Variants in TBC1D22A observed in about 807,000 individuals in gnomAD.
TBC1D22A encodes the protein putative GTPase activator.
Under a neutral mutation model 60.2 loss-of-function variants are expected in TBC1D22A, and 38 were observed. That is an observed-to-expected ratio of 0.63 (90% CI 0.49 to 0.83). The LOEUF (loss-of-function observed/expected upper bound fraction) is 0.83, where lower values mean the gene tolerates loss of function less well. TBC1D22A is among the 40% of genes least tolerant of loss of function. TBC1D22A has a pLI of 0.00. For synonymous variants in TBC1D22A, 302 were observed against 281.7 expected (o/e 1.07, Z -0.72); for missense variants, 628 against 701.0 (o/e 0.90, Z 1.18).
chr22:47,146,903 T>G (rs2067304707), intron 12 of TBC1D22A, among the ~76,000 whole-genome samples: 1 of 152,220 alleles, frequency 6.6e-6, no homozygotes, highest in Non-Finnish European at 1.5e-5. Context: ...CTCCACCCTT[T>G]TGGATGACAC....
At chr22:47,115,067 G>A (rs561596788) in intron 12 of TBC1D22A, among the ~76,000 whole-genome samples, 26 of 152,188 alleles carry the variant, frequency 1.7e-4, no homozygotes, top group Admixed American at 3.3e-4. Flanking sequence ...GAGGTGGGGC[G>A]GAGAGGGGCA....
chr22:47,045,004 A>T, intron 11 of TBC1D22A, among the ~76,000 whole-genome samples: 1 of 152,180 alleles, frequency 6.6e-6, no homozygotes, highest in East Asian at 1.9e-4. Flanking sequence ...TCCAGGAAAG[A>T]ATGACTCTCC....
intron 12 of TBC1D22A, among the ~76,000 whole-genome samples, chr22:47,120,021 A>G (rs1273776744): frequency 1.3e-5 from 2 of 152,202 alleles, no homozygotes; most frequent in Non-Finnish European, 2.9e-5. Flanking sequence ...AAAATAAAAA[A>G]TATCCCATAA....
intron 11 of TBC1D22A, among the ~76,000 whole-genome samples, chr22:47,079,133 C>G (rs1231334541): frequency 2.1e-5 from 3 of 145,344 alleles, no homozygotes; most frequent in Non-Finnish European, 4.5e-5. Context: ...GTCACCCAGG[C>G]TGGTGTGCAG....
rs537924791 is a variant in TBC1D22A, at chr22:47,104,938, C to T, written c.1330-6570C>T. On this transcript the variant is annotated intron_variant, in intron 11 of 12. Transcript: ENST00000337137. Reference sequence around the variant, plus strand: ...GCTGCTGCCACCTTTCACTTGTCCCCCCTTTCTGGACCAAACCAGTGTATT... The same window carrying T: ...GCTGCTGCCACCTTTCACTTGTCCCTCCTTTCTGGACCAAACCAGTGTATT... Among the ~76,000 whole-genome samples, 8 of 152,066 alleles carry T rather than the reference C, an allele frequency of 5.3e-5. No individual in the cohort carries two copies. The East Asian group carries it at 1.4e-3, about 26-fold the overall frequency.
chr22:46,892,249 T>C (rs4622841), intron 6 of TBC1D22A, among the ~76,000 whole-genome samples: 120,289 of 151,426 alleles, frequency 0.79, 48,412 homozygotes, highest in African/African-American at 0.93. Context: ...CATTTTCTCT[T>C]TCAGTTGTGG....
intron 8 of TBC1D22A, among the ~76,000 whole-genome samples, chr22:46,966,180 C>T (rs985410354): frequency 4.6e-5 from 7 of 152,234 alleles, no homozygotes; most frequent in African/African-American, 1.7e-4. Flanking sequence ...TCTATCCGAT[C>T]CTGCCGCCCT....
intron 4 of TBC1D22A, among the ~76,000 whole-genome samples, chr22:46,803,642 C>T (rs2085000436): frequency 1.3e-5 from 2 of 152,176 alleles, no homozygotes; most frequent in Non-Finnish European, 2.9e-5. Context: ...GTGTGTTCAC[C>T]GTGCTTACTG....
At chr22:47,131,863 C>G (rs2059072488) in intron 12 of TBC1D22A, among the ~76,000 whole-genome samples, 1 of 152,212 alleles carries the variant, frequency 6.6e-6, no homozygotes, top group Non-Finnish European at 1.5e-5. Flanking sequence ...GGGCGCCCGC[C>G]CCGTCCAAGC....
chr22:46,912,664 C>G (rs182569745), intron 8 of TBC1D22A, among the ~76,000 whole-genome samples: 3 of 152,328 alleles, frequency 2.0e-5, no homozygotes, highest in Admixed American at 2.0e-4. Context: ...TCAAGTGATT[C>G]TCCTGCCTCA....
rs1291302183 is a variant in TBC1D22A at position 47,135,965 on chromosome 22, A to G, written c.1425+24362A>G. 3.3e-5 allele frequency among the ~76,000 whole-genome samples: 5 copies of G among 152,198 alleles called. No individual in the cohort carries two copies. The South Asian group carries it at 1.0e-3, about 31-fold the overall frequency. ...CGTGGTGAGGTCACTGTGGCCGAGT[A>G]GATGGGCCAGGGACACCGGTTGAGG... On this transcript the variant is annotated intron_variant, in intron 12 of 12. Coordinates refer to ENST00000337137, the MANE Select transcript of TBC1D22A (RefSeq NM_014346.5).
intron 5 of TBC1D22A, among the ~76,000 whole-genome samples, chr22:46,882,007 A>T (rs1384419627): frequency 6.6e-6 from 1 of 152,160 alleles, no homozygotes; most frequent in African/African-American, 2.4e-5. Flanking sequence ...TGCTGGGGTT[A>T]CAAGAACCTC....
chr22:46,974,328 C>G lies in TBC1D22A; in HGVS notation c.1054C>G (p.Pro352Ala), dbSNP rs768703084. 3.1e-6 allele frequency: 5 copies of G among 1,606,692 alleles called. No homozygotes were observed. The East Asian group carries it at 1.1e-4, about 36-fold the overall frequency. The change falls in exon 9 of 13, where the codon CCC becomes GCC. Residue 352 changes from proline to alanine, a missense_variant. Transcript: ENST00000337137. Reference protein sequence around the residue: ...EVDTVDVSGVPAEVLCNIEAD... With the variant: ...EVDTVDVSGVAAEVLCNIEAD... ...GGACACGGTGGACGTCTCCGGCGTGCCCGCAGAGGTGCTGTGCAACATCGA... is the reference window on the plus strand; with the variant it reads ...GGACACGGTGGACGTCTCCGGCGTGGCCGCAGAGGTGCTGTGCAACATCGA...
chr22:47,159,077 C>T (rs985109216), intron 12 of TBC1D22A, among the ~76,000 whole-genome samples: 6 of 149,602 alleles, frequency 4.0e-5, no homozygotes, highest in African/African-American at 1.5e-4. Context: ...CCACACACAA[C>T]ACACACCATG....
At chr22:47,041,256 C>T (rs1356003736) in intron 11 of TBC1D22A, among the ~76,000 whole-genome samples, 1 of 152,230 alleles carries the variant, frequency 6.6e-6, no homozygotes, top group African/African-American at 2.4e-5. Context: ...TATCTTTAAT[C>T]ATCACTGCCC....
chr22:46,889,644 C>T (rs552350797), intron 5 of TBC1D22A, among the ~76,000 whole-genome samples: 8 of 152,296 alleles, frequency 5.3e-5, no homozygotes, highest in East Asian at 3.9e-4. Context: ...ATCCGTTCAA[C>T]GGACACAGCT....
At chr22:46,788,329 T>G (rs1478205441) in intron 1 of TBC1D22A, among the ~76,000 whole-genome samples, 1 of 152,214 alleles carries the variant, frequency 6.6e-6, no homozygotes, top group African/African-American at 2.4e-5. Context: ...TTGCAAAGAT[T>G]AAAGGACTTA....
intron 12 of TBC1D22A, among the ~76,000 whole-genome samples, chr22:47,122,320 C>T (rs2147760489): frequency 6.6e-6 from 1 of 152,360 alleles, no homozygotes; most frequent in Non-Finnish European, 1.5e-5. Flanking sequence ...CCCTGTACTG[C>T]CTGTAGATGA....
rs1472825220 is a variant in TBC1D22A at position 46,879,920 on chromosome 22, A to G, written c.708+1197A>G. 5.3e-5 allele frequency among the ~76,000 whole-genome samples: 8 copies of G among 152,194 alleles called. No individual in the cohort carries two copies. The East Asian group carries it at 1.5e-3, about 29-fold the overall frequency. ...GTGTAGCACAGGGGTTGATGTGGACATGGACACTCTGATTTCAGTAGACAG... is the reference window on the plus strand; with the variant it reads ...GTGTAGCACAGGGGTTGATGTGGACGTGGACACTCTGATTTCAGTAGACAG... On this transcript the variant is annotated intron_variant, in intron 5 of 12. Coordinates refer to ENST00000337137, the MANE Select transcript of TBC1D22A (RefSeq NM_014346.5).
Sources: allele counts gnomAD v4.1 joint callset (sites outside exome capture counted in the v4.1 genomes callset), GRCh38; gene constraint gnomAD v4.1.1; transcripts MANE v1.5; gene names NCBI Gene and HGNC (gene_info 2026-07-23, HGNC 2026-07-21).